Variants in RBL2 observed in about 807,000 individuals in gnomAD.
RBL2 encodes retinoblastoma-like protein 2.
A neutral mutation model predicts 126.0 loss-of-function variants in RBL2; 56 were observed. That is an observed-to-expected ratio of 0.44 (90% CI 0.36 to 0.56). The LOEUF (loss-of-function observed/expected upper bound fraction) is 0.56, where lower values mean the gene tolerates loss of function less well. Ranked by LOEUF, RBL2 falls within the 20% of genes least tolerant of loss-of-function variation. RBL2 has a pLI of 0.00. For synonymous variants in RBL2, 454 were observed against 478.5 expected (o/e 0.95, Z 0.67); for missense variants, 1,229 against 1,398.2 (o/e 0.88, Z 1.93).
At chr16:53,476,925 T>C (rs1960745172) in intron 17 of RBL2, among the ~76,000 whole-genome samples, 1 of 152,254 alleles carries the variant, frequency 6.6e-6, no homozygotes, top group South Asian at 2.1e-4. Context: ...TTTGACTATG[T>C]ATATAATTGG....
At chr16:53,464,592 A>AGT in intron 12 of RBL2, 3 of 343,888 alleles carry the variant, frequency 8.7e-6, no homozygotes, top group Non-Finnish European at 5.1e-6. Flanking sequence ...CTCTCTATCT[A>AGT]ATAAAAGTTT....
At chr16:53,483,417 A>G (rs1006543110) in intron 21 of RBL2, among the ~76,000 whole-genome samples, 2 of 152,204 alleles carry the variant, frequency 1.3e-5, no homozygotes, top group Admixed American at 6.5e-5. Flanking sequence ...TTAGCTGAGC[A>G]TGGTGCCATG....
chr16:53,469,082 T>C (rs889456490), intron 14 of RBL2, among the ~76,000 whole-genome samples: 3 of 152,126 alleles, frequency 2.0e-5, no homozygotes, highest in Admixed American at 1.3e-4. Context: ...ATACAAAAAT[T>C]AGCCATGCCT....
chr16:53,461,962 T>C (rs1415224506), intron 10 of RBL2, 112 bp downstream of exon 10: 8 of 952,760 alleles, frequency 8.4e-6, no homozygotes, highest in South Asian at 7.4e-5. Context: ...GACTGAAGGC[T>C]AGGATATGGC....
chr16:53,471,804 T>G (rs1279305505), intron 17 of RBL2, among the ~76,000 whole-genome samples: 2 of 152,164 alleles, frequency 1.3e-5, no homozygotes, highest in African/African-American at 4.8e-5. Flanking sequence ...TTTAGGAGCA[T>G]TTAGCACATT....
intron 1 of RBL2, 48 bp downstream of exon 1, chr16:53,434,844 G>T: frequency 7.0e-7 from 1 of 1,438,160 alleles, no homozygotes; most frequent in South Asian, 1.4e-5. Flanking sequence ...GGCGTGAACC[G>T]GTGCCTTCCG....
At chr16:53,487,357 T>TAGAAC (rs1475080164) in intron 21 of RBL2, among the ~76,000 whole-genome samples, 1 of 152,160 alleles carries the variant, frequency 6.6e-6, no homozygotes, top group Non-Finnish European at 1.5e-5. Context: ...CAGAGATCAA[T>TAGAAC]AGAACAGAAC....
intron 21 of RBL2, chr16:53,488,790 A>G (rs1383489826): frequency 6.6e-6 from 1 of 152,228 alleles, no homozygotes; most frequent in African/African-American, 2.4e-5. Context: ...CACAATTAAC[A>G]ATGTATACAG....
Position 53,438,843 on chromosome 16 carries a change from CAAAAAAAAAAAAA to C in RBL2, c.241-156_241-144del, listed in dbSNP as rs11302382. On this transcript the variant is annotated intron_variant, in intron 1 of 21. Transcript: ENST00000262133. ...TGGGTGACAGAGCAAGATTCCATCT[CAAAAAAAAAAAAA>C]AAAAAAAAAAAAAAAAGAGCGTATG... Among the ~76,000 whole-genome samples, 55 of 30,534 alleles carry C rather than the reference CAAAAAAAAAAAAA, an allele frequency of 1.8e-3. 1 individual carries two copies. Among genetic ancestry groups the C allele is most frequent in the East Asian group, 0.013 (7 of 528 alleles). The allele number at this position is 30,534 out of a possible 152,430, so 20.0% of individuals were successfully genotyped here.
intron 2 of RBL2, 99 bp from the exon 3 acceptor site, chr16:53,442,559 T>C (rs1359349396): frequency 2.3e-6 from 2 of 885,870 alleles, no homozygotes; most frequent in Non-Finnish European, 3.4e-6. Context: ...AAAAGTAATA[T>C]AATTTAATGC....
chr16:53,453,331 T>C, intron 5 of RBL2, 121 bp from the exon 6 acceptor site: 2 of 883,536 alleles, frequency 2.3e-6, no homozygotes, highest in Non-Finnish European at 3.4e-6. Flanking sequence ...ATATATACTG[T>C]TTCCTATACA....
At chr16:53,435,657 C>T in intron 1 of RBL2, 13 of 1,288,516 alleles carry the variant, frequency 1.0e-5, no homozygotes, top group Non-Finnish European at 1.3e-5. Flanking sequence ...GCATTTAAAC[C>T]TGAGGCCATT....
intron 21 of RBL2, among the ~76,000 whole-genome samples, chr16:53,483,384 C>T (rs1044711251): frequency 3.9e-5 from 6 of 151,958 alleles, no homozygotes; most frequent in Admixed American, 2.6e-4. Context: ...AACATAAGAC[C>T]CCATCCCTAC....
In RBL2 at chr16:53,470,166, G is replaced by A. The variant is rs570805968; in HGVS notation, c.2226G>A (p.Thr742=). 8.1e-6 allele frequency: 13 copies of A among 1,609,300 alleles called. No individual in the cohort carries two copies. Among genetic ancestry groups the A allele is most frequent in the South Asian group, 2.2e-5 (2 of 90,880 alleles). ...TATVTANNGQ[T]VTIPVQGIAN... ...CTGTCACAGCCAACAATGGGCAAAC[G>A]GTAACCATTCCTGTGCAAGGTAAGG... Residue 742 remains threonine, a synonymous_variant, in exon 15 of 22, where the codon ACG becomes ACA. Coordinates refer to ENST00000262133, the MANE Select transcript of RBL2 (RefSeq NM_005611.4).
intron 2 of RBL2, among the ~76,000 whole-genome samples, chr16:53,440,327 T>G (rs1418973794): frequency 2.6e-5 from 4 of 152,158 alleles, no homozygotes; most frequent in Non-Finnish European, 5.9e-5. Context: ...CAATGTCATG[T>G]TTTAGCTGAC....
chr16:53,470,998 A>ATACAGTTTACATGCTCTATAATTCACC, intron 17 of RBL2, 76 bp downstream of exon 17: 1 of 1,424,094 alleles, frequency 7.0e-7, no homozygotes. Context: ...CTGTCTTGAG[A>ATACAGTTTACATGCTCTATAATTCACC]TACAGTTTAC....
At position 53,465,431 on chromosome 16, in the gene RBL2, A is replaced by G. The variant is rs551854821; in HGVS notation, c.1699-7A>G. On this transcript the variant is annotated splice_polypyrimidine_tract_variant and splice_region_variant and intron_variant, in intron 12 of 21. Coordinates refer to ENST00000262133, the MANE Select transcript of RBL2 (RefSeq NM_005611.4). Reference sequence around the variant, plus strand: ...TATTCAGTGAACCAAGACATTTTTTATTTCAGGTGATAGAAGTATTCATTA... The same window carrying G: ...TATTCAGTGAACCAAGACATTTTTTGTTTCAGGTGATAGAAGTATTCATTA... The G allele has an allele frequency of 7.2e-7, 1 of 1,388,042 alleles. No individual in the cohort carries two copies. The highest frequency in any genetic ancestry group is 2.0e-5 in the South Asian group (1 of 51,168). The allele number at this position is 1,388,042 out of a possible 1,614,324, so 86.0% of individuals were successfully genotyped here. A position where few individuals can be genotyped will look rare whatever the true frequency, so the allele number is the denominator to read the frequency against.
At chr16:53,435,401 T>C (rs1038539988) in intron 1 of RBL2, among the ~76,000 whole-genome samples, 4 of 152,128 alleles carry the variant, frequency 2.6e-5, no homozygotes, top group African/African-American at 9.7e-5. Context: ...CATGCCCCCA[T>C]TTGTCACTAG....
chr16:53,461,498 A>AT (rs1046702732), intron 9 of RBL2, among the ~76,000 whole-genome samples: 13 of 151,714 alleles, frequency 8.6e-5, no homozygotes, highest in South Asian at 2.1e-4. Flanking sequence ...TCTCAAAAAA[A>AT]ATATATATAT....
Sources: allele counts gnomAD v4.1 joint callset (sites outside exome capture counted in the v4.1 genomes callset), GRCh38; gene constraint gnomAD v4.1.1; transcripts MANE v1.5; gene names NCBI Gene and HGNC (gene_info 2026-07-23, HGNC 2026-07-21).